GRHL1: variants seen among roughly 807,000 people sequenced by gnomAD.
GRHL1 encodes grainyhead like transcription factor 1.
GRHL1 carries 38 observed loss-of-function variants against 75.7 expected under a neutral mutation model. The observed-to-expected ratio is 0.50, with a 90% CI of 0.39 to 0.66. The LOEUF (loss-of-function observed/expected upper bound fraction) is 0.66, where lower values mean the gene tolerates loss of function less well. GRHL1 is among the 30% of genes least tolerant of loss of function. The pLI is 0.00. For missense variants in GRHL1, 589 were observed against 767.5 expected (o/e 0.77, Z 2.75); for synonymous variants, 266 against 279.4 (o/e 0.95, Z 0.48).
chr2:9,960,551 G>A (rs1224251683), intron 3 of GRHL1: 1 of 152,882 alleles, frequency 6.5e-6, no homozygotes, highest in African/African-American at 2.4e-5. Flanking sequence ...TGTGTGTCAG[G>A]CATTATTATA....
At chr2:9,966,908 A>G (rs1402647293) in intron 8 of GRHL1, among the ~76,000 whole-genome samples, 1 of 152,110 alleles carries the variant, frequency 6.6e-6, no homozygotes, top group African/African-American at 2.4e-5. Flanking sequence ...CATAGTCCGG[A>G]GTTTGTTGCT....
At chr2:9,953,194 G>T (rs1666869144) in intron 1 of GRHL1, 1 of 407,342 alleles carries the variant, frequency 2.5e-6, no homozygotes, top group African/African-American at 2.1e-5. Context: ...TTCTTTCTCT[G>T]TTTTCTATTG....
rs780249061 is a variant in GRHL1 at position 9,962,440 on chromosome 2, A to G, written c.670-15A>G. The stretch of plus-strand genomic sequence containing the variant: ...ACCAGTTAAATAGTTGTGGCTTATC[A>G]CATTGATATTTCAGGTTTTCTTCCC... On this transcript the variant is annotated splice_polypyrimidine_tract_variant and intron_variant, in intron 4 of 15. Coordinates refer to ENST00000324907, the MANE Select transcript of GRHL1 (RefSeq NM_198182.3). 1 of 1,482,700 alleles carries G rather than the reference A, an allele frequency of 6.7e-7. No homozygotes were observed. Among genetic ancestry groups the G allele is most frequent in the Non-Finnish European group, 9.4e-7 (1 of 1,059,986 alleles). 91.8% of individuals were successfully genotyped at this position (1,482,700 alleles called of 1,614,324 possible).
chr2:9,972,549 C>G (rs1163420914), intron 8 of GRHL1, among the ~76,000 whole-genome samples: 3 of 152,100 alleles, frequency 2.0e-5, no homozygotes, highest in African/African-American at 7.2e-5. Context: ...AGGGCACTCC[C>G]TACATTAACT....
chr2:9,991,224 TTTG>T (rs565244737), intron 10 of GRHL1, among the ~76,000 whole-genome samples: 228 of 152,302 alleles, frequency 1.5e-3, no homozygotes, highest in African/African-American at 5.2e-3. Flanking sequence ...CCAGGAAGGC[TTTG>T]TTTTCTTTTT....
In GRHL1 at chr2:9,961,156, T is replaced by A; in HGVS notation, c.389T>A (p.Leu130Gln). 1 of 1,613,816 alleles carries A rather than the reference T, an allele frequency of 6.2e-7. No individual in the cohort carries two copies. Among genetic ancestry groups the A allele is most frequent in the Non-Finnish European group, 8.5e-7 (1 of 1,179,834 alleles). The change falls in exon 4 of 16, where the codon CTG (leucine) becomes CAG (glutamine). Residue 130 changes from leucine (L) to glutamine (Q), a missense_variant. Physicochemically the swap from Leu to Gln is moderately radical, Grantham distance 113. Around this residue, in one of 5 missense-constraint regions of GRHL1, gnomAD observed 362 missense variants for 461.8 expected, o/e 0.78. Transcript: ENST00000324907. ...FNIVLPHGNQLGIDKRGHLTA... is the reference protein window; with the variant it reads ...FNIVLPHGNQQGIDKRGHLTA... ...ATTGTCCTTCCCCATGGCAACCAGC[T>A]GGGCATTGATAAGAGAGGCCATCTG... is the stretch of plus-strand genomic sequence containing the variant.
At chr2:9,952,464 G>T (rs1405658007) in intron 1 of GRHL1, among the ~76,000 whole-genome samples, 2 of 152,226 alleles carry the variant, frequency 1.3e-5, no homozygotes, top group Admixed American at 6.5e-5. Flanking sequence ...ATCATTGATG[G>T]TAATTACAGA....
At chr2:9,971,801 C>T (rs573530180) in intron 8 of GRHL1, among the ~76,000 whole-genome samples, 1 of 152,168 alleles carries the variant, frequency 6.6e-6, no homozygotes, top group African/African-American at 2.4e-5. Flanking sequence ...TTAGCTGATA[C>T]AGAATAAAGT....
chr2:9,994,384 C>T (rs1668767648), intron 12 of GRHL1, among the ~76,000 whole-genome samples: 1 of 151,568 alleles, frequency 6.6e-6, no homozygotes, highest in African/African-American at 2.4e-5. Flanking sequence ...AATCCTCCCG[C>T]CTCAGCCTCC....
chr2:9,978,493 A>G (rs1459022831), intron 8 of GRHL1, among the ~76,000 whole-genome samples: 1 of 152,188 alleles, frequency 6.6e-6, no homozygotes, highest in Non-Finnish European at 1.5e-5. Flanking sequence ...GAGAATGGAC[A>G]TTTGGAGCTG....
chr2:9,993,245 G>C lies in GRHL1; in HGVS notation c.1499+1G>C, dbSNP rs866604274. 6.2e-7 allele frequency: 1 copy of C among 1,608,976 alleles called. No individual in the cohort carries two copies. Among genetic ancestry groups the C allele is most frequent in the East Asian group, 2.2e-5 (1 of 44,834 alleles). On this transcript the variant is annotated splice_donor_variant, in intron 12 of 15. Transcript: ENST00000324907. LOFTEE classifies it high-confidence loss of function. Reference sequence around the variant, plus strand: ...CCTCTGAAGAATTGGAGGGTGAAGGGTAAGATTTATGTTTTGTTTTGTTTT... The same window carrying C: ...CCTCTGAAGAATTGGAGGGTGAAGGCTAAGATTTATGTTTTGTTTTGTTTT...
In GRHL1 at chr2:9,981,386, G is replaced by A. The variant is rs139852320; in HGVS notation, c.1111-4738G>A. 2.5e-4 allele frequency among the ~76,000 whole-genome samples: 38 copies of A among 152,340 alleles called. 1 individual carries two copies. Among genetic ancestry groups the A allele is most frequent in the Non-Finnish European group, 4.6e-4 (31 of 68,036 alleles). ...AAGTGGAAATACTCAATTACAAACA[G>A]GGAAATACACCTCCTCCCTATTTAC... is the stretch of plus-strand genomic sequence containing the variant. On this transcript the variant is annotated intron_variant, in intron 8 of 15. Coordinates refer to ENST00000324907, the MANE Select transcript of GRHL1 (RefSeq NM_198182.3).
rs1004942809 is a variant in GRHL1 at position 9,983,678 on chromosome 2, AC to A, written c.1111-2445del. Among the ~76,000 whole-genome samples, 3 of 152,168 alleles carry A rather than the reference AC, an allele frequency of 2.0e-5. 1 individual carries two copies. Among genetic ancestry groups the A allele is most frequent in the Admixed American group, 2.0e-4 (3 of 15,278 alleles). ...CTGTTTTTGAACTAGGAATTGAGCC[AC>A]GTGGCCTAGAATGACAGAAAAAATT... On this transcript the variant is annotated intron_variant, in intron 8 of 15. Transcript: ENST00000324907.
chr2:9,999,802 T>C (rs1669191924), intron 15 of GRHL1, among the ~76,000 whole-genome samples: 1 of 152,256 alleles, frequency 6.6e-6, no homozygotes, highest in African/African-American at 2.4e-5. Context: ...TTCTAGATGG[T>C]TCTAGTGGAA....
chr2:9,964,492 G>C (rs1485025498), intron 7 of GRHL1, 146 bp downstream of exon 7: 2 of 588,134 alleles, frequency 3.4e-6, no homozygotes, highest in Non-Finnish European at 6.1e-6. Context: ...CACTGTCCTC[G>C]GCCTCCTGGA....
At position 9,951,741 on chromosome 2, in the gene GRHL1, G is replaced by A; in HGVS notation, c.-93G>A. 8.1e-7 allele frequency: 1 copy of A among 1,232,480 alleles called. No homozygotes were observed. Among genetic ancestry groups the A allele is most frequent in the Non-Finnish European group, 1.1e-6 (1 of 900,262 alleles). 76.3% of individuals were successfully genotyped at this position (1,232,480 alleles called of 1,614,324 possible). A position where few individuals can be genotyped will look rare whatever the true frequency, so the allele number is the denominator to read the frequency against. The stretch of plus-strand genomic sequence containing the variant: ...CCGTCGGGGCCGCCGCTCCGGACCC[G>A]CAGCCGCCGCCGCCGCCTCCTCCCC... On this transcript the variant is annotated 5_prime_UTR_variant, in exon 1 of 16. Coordinates refer to ENST00000324907, the MANE Select transcript of GRHL1 (RefSeq NM_198182.3). The surrounding 1 kb of genome is among the most constrained non-coding windows in gnomAD (Gnocchi z 4.2).
At chr2:9,953,647 C>T (rs557039893) in intron 1 of GRHL1, among the ~76,000 whole-genome samples, 36 of 151,800 alleles carry the variant, frequency 2.4e-4, no homozygotes, top group Admixed American at 2.3e-3. Context: ...ATTTTTTTCC[C>T]CTTTTTTGAA....
chr2:9,993,398 T>C (rs1668727157), intron 12 of GRHL1, among the ~76,000 whole-genome samples, 154 bp downstream of exon 12: 1 of 152,230 alleles, frequency 6.6e-6, no homozygotes, highest in African/African-American at 2.4e-5. Flanking sequence ...AATATCGTGG[T>C]ATATATTTCC....
chr2:9,966,320 C>T (rs1424813542), intron 8 of GRHL1: 1 of 152,288 alleles, frequency 6.6e-6, no homozygotes, highest in Non-Finnish European at 1.5e-5. Flanking sequence ...ATCGCTTGAA[C>T]CCGGGAGACG....
Sources: gnomAD v4.1 joint callset for allele counts (sites outside exome capture counted in the v4.1 genomes callset) on GRCh38, gnomAD v4.1.1 for gene constraint, gnomAD v4.1.1 regional missense constraint, Gnocchi (gnomAD v3.1) non-coding constraint, MANE v1.5 for transcripts, NCBI Gene and HGNC (gene_info 2026-07-23, HGNC 2026-07-21) for gene names.